The following EXD3 variants were observed in gnomAD, a reference collection of about 807,000 sequenced individuals.
EXD3 encodes the protein exonuclease mut-7 homolog.
In EXD3, 92 loss-of-function variants were observed where a neutral mutation model predicts 98.0. The ratio of observed to expected loss-of-function variants is 0.94; its 90% CI spans 0.79 to 1.12. The LOEUF is 1.12. Ranked by LOEUF, EXD3 falls within the 50% of genes most tolerant of loss-of-function variation. The probability of loss-of-function intolerance (pLI) is 0.00; values close to 1 mark genes in which losing one functional copy is unlikely to be tolerated. For synonymous variants in EXD3, 569 were observed against 526.0 expected, an observed-to-expected ratio of 1.08 and a Z score of -1.12; for missense variants, 1,222 against 1,191.6, an observed-to-expected ratio of 1.03 and a Z score of -0.38.
chr9:137,414,236 G>A (rs1239313202), intron 1 of EXD3, among the ~76,000 whole-genome samples: 1 of 152,182 alleles, frequency 6.6e-6, no homozygotes, highest in African/African-American at 2.4e-5. Flanking sequence ...TTCTCTTGTG[G>A]CTGACTGACC....
Position 137,355,460 on chromosome 9 carries a change from A to AG in EXD3, c.758-688dup, listed in dbSNP as rs1231023248. Among the ~76,000 whole-genome samples the AG allele has an allele frequency of 3.3e-4, 45 of 137,558 alleles. 5 individuals carry two copies. The highest frequency in any genetic ancestry group is 5.0e-4 in the Admixed American group (7 of 14,004). The allele number at this position is 137,558 out of a possible 152,430, so 90.2% of individuals were successfully genotyped here. On this transcript the variant is annotated intron_variant, in intron 8 of 21. Coordinates refer to ENST00000340951, the MANE Select transcript of EXD3 (RefSeq NM_017820.5). ...TGGAGGAAGGGAGGATGGAGGAAGG[A>AG]GAAAGGAGGAAGGAGGAAGGAGGAA...
At position 137,394,157 on chromosome 9, in the gene EXD3, C is replaced by A. The variant is rs1247529363; in HGVS notation, c.55+1146G>T. Among the ~76,000 whole-genome samples the A allele has an allele frequency of 3.0e-5, 3 of 99,062 alleles. 1 individual carries two copies. The highest frequency in any genetic ancestry group is 3.6e-5 in the African/African-American group (1 of 28,070). 65.0% of individuals were successfully genotyped at this position (99,062 alleles called of 152,430 possible). On this transcript the variant is annotated intron_variant, in intron 2 of 21. Coordinates refer to ENST00000340951, the MANE Select transcript of EXD3 (RefSeq NM_017820.5). ...CCTCCCAGCCTCCATTTCCCTAACC[C>A]TGGCCTCCCAGCCTCTGCTTCCCTA...
In EXD3 at chr9:137,352,091, G is replaced by A. The variant is rs778156256; in HGVS notation, c.1148C>T (p.Thr383Ile). 8 of 1,612,440 alleles carry A rather than the reference G, an allele frequency of 5.0e-6. No individual in the cohort carries two copies. The highest frequency in any genetic ancestry group is 1.7e-4 in the Middle Eastern group (1 of 6,058). Residue 383 changes from threonine to isoleucine, a missense_variant, in exon 12 of 22, where the codon ACC becomes ATC. Transcript: ENST00000340951. ...VHLLASWEDL[T>I]RHEGALLQCH... ...CTGCAGGAGTGCACCCTCGTGTCTG[G>A]TCAGGTCTTCCCACGAGGCCAGGAG... is the stretch of plus-strand genomic sequence containing the variant.
intron 19 of EXD3, among the ~76,000 whole-genome samples, chr9:137,315,052 G>A (rs960978103): frequency 1.3e-5 from 2 of 152,168 alleles, no homozygotes; most frequent in Admixed American, 6.5e-5. Context: ...TCCACTTCCT[G>A]CAGCTCCCTT....
chr9:137,336,199 C>T (rs1302570801), intron 17 of EXD3, among the ~76,000 whole-genome samples: 1 of 152,058 alleles, frequency 6.6e-6, no homozygotes, highest in Non-Finnish European at 1.5e-5. Flanking sequence ...CAATATATAC[C>T]ATTTGGGTGA....
intron 17 of EXD3, among the ~76,000 whole-genome samples, chr9:137,333,930 C>T (rs1164527465): frequency 6.6e-6 from 1 of 152,084 alleles, no homozygotes; most frequent in Non-Finnish European, 1.5e-5. Flanking sequence ...GCAACCTCCG[C>T]CTCCCAGGTT....
Position 137,371,140 on chromosome 9 carries a change from G to A in EXD3, c.462+1765C>T, listed in dbSNP as rs982517533. Reference sequence around the variant, plus strand: ...TCCTGCCTCGGAGCGCGAGGGAGGCGCATTCAGCCGGCCCCAGACAGTCTT... The same window carrying A: ...TCCTGCCTCGGAGCGCGAGGGAGGCACATTCAGCCGGCCCCAGACAGTCTT... On this transcript the variant is annotated intron_variant, in intron 5 of 21. Coordinates refer to ENST00000340951, the MANE Select transcript of EXD3 (RefSeq NM_017820.5). This position sits in a 1 kb window ranked among gnomAD's most constrained non-coding sequence, Gnocchi z 8.0. 1.3e-5 allele frequency among the ~76,000 whole-genome samples: 2 copies of A among 152,310 alleles called. No individual in the cohort carries two copies. Among genetic ancestry groups the A allele is most frequent in the Non-Finnish European group, 2.9e-5 (2 of 68,010 alleles).
intron 19 of EXD3, among the ~76,000 whole-genome samples, chr9:137,313,790 A>C (rs1831489224): frequency 6.6e-6 from 1 of 152,182 alleles, no homozygotes; most frequent in Non-Finnish European, 1.5e-5. Context: ...ACTCTGGAGC[A>C]ACAGGACATT....
chr9:137,365,626 C>A, intron 7 of EXD3: 1 of 217,568 alleles, frequency 4.6e-6, no homozygotes, highest in Non-Finnish European at 9.3e-6. Flanking sequence ...CACCTGCAGG[C>A]ACACACACGT....
intron 8 of EXD3, among the ~76,000 whole-genome samples, chr9:137,356,036 G>C (rs970579638): frequency 1.3e-5 from 2 of 152,206 alleles, no homozygotes; most frequent in Non-Finnish European, 2.9e-5. Flanking sequence ...GAGCCGCCTA[G>C]GTGGGCAGAG....
intron 17 of EXD3, among the ~76,000 whole-genome samples, chr9:137,344,528 G>A (rs1588303723): frequency 6.6e-6 from 1 of 152,252 alleles, no homozygotes; most frequent in East Asian, 1.9e-4. Flanking sequence ...ATACCCCTGC[G>A]CTTTCTGGAA....
chr9:137,409,710 G>C (rs979300647), intron 1 of EXD3, among the ~76,000 whole-genome samples: 1 of 152,122 alleles, frequency 6.6e-6, no homozygotes, highest in Non-Finnish European at 1.5e-5. Flanking sequence ...ACATTCCCTC[G>C]CTGCACACTC....
At chr9:137,412,539 A>T (rs1461262678) in intron 1 of EXD3, among the ~76,000 whole-genome samples, 1 of 152,122 alleles carries the variant, frequency 6.6e-6, no homozygotes, top group Non-Finnish European at 1.5e-5. Flanking sequence ...CTCCCCAAAC[A>T]GTGTCAGTGG....
intron 17 of EXD3, among the ~76,000 whole-genome samples, chr9:137,340,726 C>T (rs1833606582): frequency 6.6e-6 from 1 of 152,004 alleles, no homozygotes; most frequent in African/African-American, 2.4e-5. Flanking sequence ...CGCTATGTTA[C>T]CAGGCTGGTC....
At position 137,385,431 on chromosome 9, in the gene EXD3, G is replaced by C. The variant is rs988827438; in HGVS notation, c.56-2054C>G. 6.6e-6 allele frequency among the ~76,000 whole-genome samples: 1 copy of C among 152,222 alleles called. No individual in the cohort carries two copies. The highest frequency in any genetic ancestry group is 2.4e-5 in the African/African-American group (1 of 41,466). On this transcript the variant is annotated intron_variant, in intron 2 of 21. Coordinates refer to ENST00000340951, the MANE Select transcript of EXD3 (RefSeq NM_017820.5). This position sits in a 1 kb window ranked among gnomAD's most constrained non-coding sequence, Gnocchi z 4.4. The stretch of plus-strand genomic sequence containing the variant: ...CAGGGTGGGCTGGGCGGGGCGTGCT[G>C]TGGTGTGTTCACGATCATGTGCCGA...
At chr9:137,330,349 G>A (rs958607797) in intron 17 of EXD3, among the ~76,000 whole-genome samples, 1 of 144,608 alleles carries the variant, frequency 6.9e-6, no homozygotes, top group Non-Finnish European at 1.5e-5. Flanking sequence ...GGACTACACA[G>A]GACTACACAG....
intron 17 of EXD3, among the ~76,000 whole-genome samples, chr9:137,337,645 C>T (rs1278499214): frequency 2.7e-5 from 4 of 150,638 alleles, no homozygotes; most frequent in African/African-American, 9.8e-5. Flanking sequence ...AGCGAGATTT[C>T]TTCTCAAAAA....
intron 2 of EXD3, among the ~76,000 whole-genome samples, chr9:137,390,156 C>T (rs1444585420): frequency 2.3e-5 from 3 of 128,762 alleles, no homozygotes; most frequent in South Asian, 2.4e-4. Context: ...AATGGCCGGG[C>T]GCGGTGGCTC....
chr9:137,353,199 C>T (rs1834405636), intron 10 of EXD3: 2 of 983,776 alleles, frequency 2.0e-6, no homozygotes, highest in South Asian at 4.7e-5. Context: ...TCCACCAGCC[C>T]TCCTGGCCTC....
Sources: allele counts gnomAD v4.1 joint callset (sites outside exome capture counted in the v4.1 genomes callset), GRCh38; gene constraint gnomAD v4.1.1; non-coding constraint Gnocchi (gnomAD v3.1); transcripts MANE v1.5; gene names NCBI Gene and HGNC (gene_info 2026-07-23, HGNC 2026-07-21).